XIRP2: variants seen among roughly 807,000 people sequenced by gnomAD.
XIRP2 encodes the protein xin actin-binding repeat-containing protein 2.
Under a neutral mutation model 277.0 loss-of-function variants are expected in XIRP2, and 236 were observed. The ratio of observed to expected loss-of-function variants is 0.85; its 90% CI spans 0.77 to 0.95. The LOEUF (loss-of-function observed/expected upper bound fraction) is 0.95. Ranked by LOEUF, XIRP2 falls within the 40% of genes least tolerant of loss-of-function variation. The pLI, the probability that XIRP2 is intolerant of heterozygous loss-of-function variation, is 0.00. For missense variants in XIRP2, 4,640 were observed against 4,157.5 expected (o/e 1.12, Z -3.19); for synonymous variants, 1,490 against 1,416.5 (o/e 1.05, Z -1.17).
chr2:166,986,590 T>C (rs900585953), intron 2 of XIRP2, among the ~76,000 whole-genome samples: 4 of 152,230 alleles, frequency 2.6e-5, no homozygotes, highest in South Asian at 2.1e-4. Context: ...CTTGAGATGT[T>C]TGTGTCACCA....
chr2:167,214,259 A>AGGAAGGAAAG lies in XIRP2; in HGVS notation c.723+3364_723+3365insGGAAGGAAAG, dbSNP rs1259203622. Among the ~76,000 whole-genome samples the AGGAAGGAAAG allele has an allele frequency of 1.1e-4, 10 of 90,188 alleles. No homozygotes were observed. In the East Asian group the frequency reaches 3.4e-3, roughly 31 times the overall value. 59.2% of individuals were successfully genotyped at this position (90,188 alleles called of 152,430 possible). A position where few individuals can be genotyped will look rare whatever the true frequency, so the allele number is the denominator to read the frequency against. ...AAGGAAGGAAGGAAGGAAGGAAGGA[A>AGGAAGGAAAG]AGAGAGAGAGAGAAAGAGAGGGAGG... On this transcript the variant is annotated intron_variant, in intron 4 of 10. Coordinates refer to ENST00000409195, the MANE Select transcript of XIRP2 (RefSeq NM_152381.6).
chr2:167,035,701 A>G (rs1688490340), intron 2 of XIRP2, among the ~76,000 whole-genome samples: 1 of 152,218 alleles, frequency 6.6e-6, no homozygotes, highest in Non-Finnish European at 1.5e-5. Context: ...AGCTGCAGAA[A>G]TTTGCATAAG....
intron 3 of XIRP2, among the ~76,000 whole-genome samples, chr2:167,180,916 A>C (rs367983501): frequency 3.5e-4 from 53 of 152,266 alleles, no homozygotes; most frequent in African/African-American, 1.3e-3. Flanking sequence ...TTATATCTAA[A>C]ATCTTGAATT....
At chr2:166,937,290 A>G (rs1397354110) in intron 2 of XIRP2, among the ~76,000 whole-genome samples, 1 of 152,168 alleles carries the variant, frequency 6.6e-6, no homozygotes, top group Non-Finnish European at 1.5e-5. Context: ...TGAGATTTTT[A>G]GCATGAAGGG....
intron 5 of XIRP2, among the ~76,000 whole-genome samples, chr2:167,223,174 T>A (rs1049177161): frequency 2.0e-5 from 3 of 152,164 alleles, no homozygotes; most frequent in African/African-American, 7.2e-5. Context: ...TGTATTATTT[T>A]GTGAAGCCCC....
In XIRP2 at chr2:167,250,323, G is replaced by C. The variant is rs1695442601; in HGVS notation, c.8931G>C (p.Gln2977His). Residue 2977 changes from glutamine (Q) to histidine (H), a missense_variant, in exon 9 of 11, where the codon CAG (glutamine) becomes CAC (histidine). Coordinates refer to ENST00000409195, the MANE Select transcript of XIRP2 (RefSeq NM_152381.6). The part of the protein sequence containing the change: ...EPNKSGLKTF[Q>H]TLLNTIPGWL... ...ATAAAAGTGGCCTTAAAACATTTCA[G>C]ACACTATTAAATACTATCCCAGGAT... The C allele has an allele frequency of 6.2e-7, 1 of 1,613,314 alleles. No homozygotes were observed. Among genetic ancestry groups the C allele is most frequent in the African/African-American group, 1.3e-5 (1 of 74,828 alleles).
rs1478878034 is a variant in XIRP2, at chr2:167,090,116, T to C, written c.409-45793T>C. ...TGTAATTAAAATAATTGTGTCTTTA[T>C]GAACTTACTGAAGGCATCTTGGGGG... On this transcript the variant is annotated intron_variant, in intron 2 of 10. Transcript: ENST00000409195. Among the ~76,000 whole-genome samples the C allele has an allele frequency of 2.0e-5, 3 of 152,170 alleles. No homozygotes were observed. The East Asian group carries it at 5.8e-4, about 29-fold the overall frequency.
intron 2 of XIRP2, among the ~76,000 whole-genome samples, chr2:166,977,275 G>T (rs1261763964): frequency 6.6e-6 from 1 of 152,048 alleles, no homozygotes; most frequent in Non-Finnish European, 1.5e-5. Context: ...TTCAAATTTA[G>T]AAAATTTTCA....
Position 167,217,437 on chromosome 2 carries a change from GT to G in XIRP2, c.724-725del, listed in dbSNP as rs199611378. Reference sequence around the variant, plus strand: ...TAATCCTGGAGTAGTGTAGCTGCTGGTTTTCTGCCTGTTCTTTGAGGACAGT... The same window carrying G: ...TAATCCTGGAGTAGTGTAGCTGCTGGTTTCTGCCTGTTCTTTGAGGACAGT... On this transcript the variant is annotated intron_variant, in intron 4 of 10. Transcript: ENST00000409195. 1.6e-3 allele frequency among the ~76,000 whole-genome samples: 238 copies of G among 152,214 alleles called. 3 individuals are homozygous for G. In the East Asian group the frequency reaches 0.021, roughly 13 times the overall value.
intron 2 of XIRP2, among the ~76,000 whole-genome samples, chr2:166,935,558 A>G (rs1210471230): frequency 6.6e-6 from 1 of 151,682 alleles, no homozygotes; most frequent in Non-Finnish European, 1.5e-5. Context: ...TGTTATTGCT[A>G]CCCCCCTCCC....
chr2:167,074,832 C>T (rs958139924), intron 2 of XIRP2, among the ~76,000 whole-genome samples: 2 of 152,218 alleles, frequency 1.3e-5, no homozygotes, highest in South Asian at 4.1e-4. Context: ...GCCATGTTGC[C>T]CAAGCTGGTC....
intron 8 of XIRP2, among the ~76,000 whole-genome samples, 168 bp downstream of exon 8, chr2:167,242,078 T>C (rs1012774311): frequency 6.6e-6 from 1 of 152,094 alleles, no homozygotes; most frequent in African/African-American, 2.4e-5. Context: ...CAAAAGGAGG[T>C]AGAGTAAAAA....
intron 2 of XIRP2, among the ~76,000 whole-genome samples, chr2:167,052,389 A>C (rs1688937107): frequency 6.6e-6 from 1 of 152,062 alleles, no homozygotes; most frequent in African/African-American, 2.4e-5. Context: ...CATTTACTTA[A>C]TGCATTGCCC....
intron 2 of XIRP2, among the ~76,000 whole-genome samples, chr2:166,998,367 G>GT (rs1687280030): frequency 6.6e-6 from 1 of 152,180 alleles, no homozygotes; most frequent in South Asian, 2.1e-4. Flanking sequence ...GCCAGGAGCA[G>GT]TGGCTCATAC....
intron 2 of XIRP2, among the ~76,000 whole-genome samples, chr2:167,031,967 T>C (rs1399592001): frequency 6.6e-6 from 1 of 152,136 alleles, no homozygotes; most frequent in Non-Finnish European, 1.5e-5. Context: ...AAATTTCATA[T>C]GGAAACAAAA....
chr2:167,163,598 T>C (rs1484123051), intron 3 of XIRP2, among the ~76,000 whole-genome samples: 1 of 152,226 alleles, frequency 6.6e-6, no homozygotes, highest in Non-Finnish European at 1.5e-5. Flanking sequence ...TATTTCTTTC[T>C]AGTCTAAGAT....
At position 167,156,331 on chromosome 2, in the gene XIRP2, G is replaced by A. The variant is rs765068210; in HGVS notation, c.562+20269G>A. 5.9e-5 allele frequency among the ~76,000 whole-genome samples: 9 copies of A among 152,108 alleles called. No individual in the cohort carries two copies. The South Asian group carries it at 1.0e-3, about 17-fold the overall frequency. On this transcript the variant is annotated intron_variant, in intron 3 of 10. Coordinates refer to ENST00000409195, the MANE Select transcript of XIRP2 (RefSeq NM_152381.6). ...AATAGTAAAGTTAATGATAGCAACC[G>A]CTTAGGCATGTTGTGGGCATTACCT... is the stretch of plus-strand genomic sequence containing the variant.
intron 2 of XIRP2, among the ~76,000 whole-genome samples, chr2:166,961,053 C>G (rs1656589784): frequency 6.6e-6 from 1 of 151,712 alleles, no homozygotes; most frequent in African/African-American, 2.4e-5. Flanking sequence ...AATTGCCACT[C>G]CACAGCCCCC....
intron 2 of XIRP2, among the ~76,000 whole-genome samples, chr2:167,012,959 AT>A (rs1296689574): frequency 1.3e-5 from 2 of 151,174 alleles, no homozygotes; most frequent in Admixed American, 6.6e-5. Context: ...TAGTAGTAAA[AT>A]TTTTTATCAC....
Sources: allele counts gnomAD v4.1 joint callset (sites outside exome capture counted in the v4.1 genomes callset), GRCh38; gene constraint gnomAD v4.1.1; transcripts MANE v1.5; gene names NCBI Gene and HGNC (gene_info 2026-07-23, HGNC 2026-07-21).